FAM222B: variants seen among roughly 807,000 people sequenced by gnomAD.
The protein encoded by FAM222B is protein FAM222B.
FAM222B carries 12 observed loss-of-function variants against 38.0 expected under a neutral mutation model. The observed-to-expected ratio is 0.32, with a 90% CI of 0.20 to 0.51. FAM222B has a LOEUF of 0.51. Ranked by LOEUF, FAM222B falls within the 20% of genes least tolerant of loss-of-function variation. The pLI is 0.97. For synonymous variants in FAM222B, 329 were observed against 317.2 expected, an observed-to-expected ratio of 1.04 and a Z score of -0.40; for missense variants, 716 against 754.2, an observed-to-expected ratio of 0.95 and a Z score of 0.59.
At chr17:28,796,366 C>G (rs538379898) in intron 1 of FAM222B, among the ~76,000 whole-genome samples, 1 of 152,316 alleles carries the variant, frequency 6.6e-6, no homozygotes, top group South Asian at 2.1e-4. Flanking sequence ...GCAAATCACT[C>G]AGCAATTCCA....
chr17:28,798,740 T>C (rs2037064388), intron 1 of FAM222B, among the ~76,000 whole-genome samples: 1 of 150,836 alleles, frequency 6.6e-6, no homozygotes, highest in Admixed American at 6.6e-5. Flanking sequence ...GTTCACATTA[T>C]TCTCCTGTCT....
chr17:28,844,160 A>G (rs1481118805), upstream of FAM222B, among the ~76,000 whole-genome samples: 1 of 152,130 alleles, frequency 6.6e-6, no homozygotes, highest in African/African-American at 2.4e-5. Context: ...GAGTCCTGAG[A>G]ATTCAACAAA....
intron 2 of FAM222B, among the ~76,000 whole-genome samples, chr17:28,764,993 G>T (rs2035261389): frequency 6.6e-6 from 1 of 152,180 alleles, no homozygotes; most frequent in African/African-American, 2.4e-5. Flanking sequence ...TTAGGATGCT[G>T]ATTTGGATGA....
intron 1 of FAM222B, among the ~76,000 whole-genome samples, chr17:28,830,472 A>G (rs993895385): frequency 2.6e-5 from 4 of 151,928 alleles, no homozygotes; most frequent in Admixed American, 2.0e-4. Flanking sequence ...TACATTCTTA[A>G]TATGAGCTGT....
At chr17:28,760,058 T>C (rs1275657764) in intron 2 of FAM222B, among the ~76,000 whole-genome samples, 182 bp from the exon 3 acceptor site, 2 of 152,234 alleles carry the variant, frequency 1.3e-5, no homozygotes, top group African/African-American at 4.8e-5. Context: ...GCACTGCTAA[T>C]GTTCAGTAAG....
intron 1 of FAM222B, among the ~76,000 whole-genome samples, chr17:28,781,224 C>T (rs373994703): frequency 5.3e-4 from 81 of 152,010 alleles, no homozygotes; most frequent in African/African-American, 1.7e-3. Context: ...CCTGAGTCCA[C>T]GAAGTCGACG....
chr17:28,852,602 C>T (rs1300514675), intron 1 of FAM222B, among the ~76,000 whole-genome samples: 1 of 151,978 alleles, frequency 6.6e-6, no homozygotes, highest in Non-Finnish European at 1.5e-5. Flanking sequence ...AACCATTGCA[C>T]TCCAGCCTAG....
intron 1 of FAM222B, among the ~76,000 whole-genome samples, chr17:28,826,074 TTTG>T (rs1326257435): frequency 2.1e-4 from 31 of 147,850 alleles, no homozygotes; most frequent in African/African-American, 7.6e-4. Flanking sequence ...AACTGTTTTT[TTTG>T]TTGTTTTTTT....
At chr17:28,794,489 G>A (rs749445371) in intron 1 of FAM222B, among the ~76,000 whole-genome samples, 1 of 151,772 alleles carries the variant, frequency 6.6e-6, no homozygotes, top group Non-Finnish European at 1.5e-5. Flanking sequence ...AAAAGTGCTG[G>A]GATTACAGGC....
chr17:28,837,946 T>G (rs911874128), intron 1 of FAM222B, among the ~76,000 whole-genome samples: 1 of 152,054 alleles, frequency 6.6e-6, no homozygotes, highest in Admixed American at 6.6e-5. Flanking sequence ...AGCCAACATG[T>G]CCGACCAATA....
chr17:28,854,014 G>C (rs1336906200), intron 1 of FAM222B, among the ~76,000 whole-genome samples: 2 of 146,292 alleles, frequency 1.4e-5, no homozygotes, highest in Non-Finnish European at 1.5e-5. Flanking sequence ...TGCAATCTCA[G>C]CTCACTGCAA....
chr17:28,778,679 T>TTGTG (rs1555573094), intron 1 of FAM222B, among the ~76,000 whole-genome samples: 1 of 110,214 alleles, frequency 9.1e-6, no homozygotes, highest in African/African-American at 3.8e-5. Context: ...AATTTTTTTT[T>TTGTG]TGTGTGTGTG....
At chr17:28,762,498 G>A (rs191460084) in intron 2 of FAM222B, among the ~76,000 whole-genome samples, 584 of 151,300 alleles carry the variant, frequency 3.9e-3, no homozygotes, top group Admixed American at 6.9e-3. Flanking sequence ...ATGGTGGAGC[G>A]CACTTGTAGT....
chr17:28,796,487 T>C (rs1473122989), intron 1 of FAM222B, among the ~76,000 whole-genome samples: 2 of 152,138 alleles, frequency 1.3e-5, no homozygotes, highest in African/African-American at 4.8e-5. Flanking sequence ...TTACTGAGAA[T>C]TGTTAAATTT....
chr17:28,772,622 C>T (rs917600106), intron 1 of FAM222B, among the ~76,000 whole-genome samples: 2 of 150,774 alleles, frequency 1.3e-5, no homozygotes, highest in South Asian at 4.2e-4. Context: ...TAGGGCCACA[C>T]GCGGTGGCTC....
chr17:28,778,669 AATTT>A (rs2036008226), intron 1 of FAM222B, among the ~76,000 whole-genome samples: 3 of 90,058 alleles, frequency 3.3e-5, no homozygotes, highest in South Asian at 9.0e-4. Flanking sequence ...ATGCCTAGCT[AATTT>A]TTTTTTTGTG....
intron 1 of FAM222B, among the ~76,000 whole-genome samples, chr17:28,820,657 G>A (rs1457168619): frequency 2.0e-5 from 3 of 149,710 alleles, no homozygotes; most frequent in Admixed American, 6.7e-5. Context: ...TTTTTGAGGC[G>A]AAGTCTCGCT....
chr17:28,759,728 A>T lies in FAM222B; in HGVS notation c.231T>A (p.Thr77=), dbSNP rs201677646. The change falls in exon 3 of 3, where the codon ACT becomes ACA. Residue 77 remains threonine, a synonymous_variant. Coordinates refer to ENST00000581407, the MANE Select transcript of FAM222B (RefSeq NM_001077498.3). The surrounding 1 kb of genome is among the most constrained non-coding windows in gnomAD (Gnocchi z 4.8). ...GGGCTGATGTGTCGAGGCCGTTCACAGTACGACGAACGTGTTTCCGCTGGG... is the reference window on the plus strand; with the variant it reads ...GGGCTGATGTGTCGAGGCCGTTCACTGTACGACGAACGTGTTTCCGCTGGG... ...KVPQRKHVRR[T]VNGLDTSAQR... 4 of 1,613,798 alleles carry T rather than the reference A, an allele frequency of 2.5e-6. No homozygotes were observed. In the African/African-American group the frequency reaches 5.3e-5, roughly 22 times the overall value.
At chr17:28,838,511 C>T (rs1476148612) in intron 1 of FAM222B, among the ~76,000 whole-genome samples, 1 of 151,550 alleles carries the variant, frequency 6.6e-6, no homozygotes, top group Non-Finnish European at 1.5e-5. Flanking sequence ...ACCTTGGAGG[C>T]GGAGCTTATA....
Sources: gnomAD v4.1 joint callset for allele counts (sites outside exome capture counted in the v4.1 genomes callset) on GRCh38, gnomAD v4.1.1 for gene constraint, Gnocchi (gnomAD v3.1) non-coding constraint, MANE v1.5 for transcripts, NCBI Gene and HGNC (gene_info 2026-07-23, HGNC 2026-07-21) for gene names.